Variants in SNX30 observed in about 807,000 individuals in gnomAD.
SNX30 encodes the protein sorting nexin-30.
In SNX30, 24 loss-of-function variants were observed where a neutral mutation model predicts 46.4. That is an observed-to-expected ratio of 0.52 (90% confidence interval 0.37 to 0.73). The LOEUF (loss-of-function observed/expected upper bound fraction) is 0.73. Among genes scored for constraint, SNX30 ranks in the 30% least tolerant of loss-of-function variants. SNX30 has a pLI of 0.00. For missense variants in SNX30, 533 were observed against 555.7 expected, an observed-to-expected ratio of 0.96 and a Z score of 0.41; for synonymous variants, 189 against 211.5, an observed-to-expected ratio of 0.89 and a Z score of 0.92.
intron 5 of SNX30, among the ~76,000 whole-genome samples, chr9:112,837,697 G>C (rs533010081): frequency 6.6e-6 from 1 of 151,538 alleles, no homozygotes; most frequent in Non-Finnish European, 1.5e-5. Context: ...GGATGGTCTC[G>C]ATCTCCTGAC....
chr9:112,792,443 G>A (rs1840041802), intron 1 of SNX30, among the ~76,000 whole-genome samples: 1 of 151,842 alleles, frequency 6.6e-6, no homozygotes, highest in African/African-American at 2.4e-5. Context: ...ATTTTTTATT[G>A]AGACAGCATC....
chr9:112,757,606 A>G (rs72768423), intron 1 of SNX30, among the ~76,000 whole-genome samples: 4,910 of 152,290 alleles, frequency 0.032, 112 homozygotes, highest in Middle Eastern at 0.068. Context: ...GTACCAATCT[A>G]CATTCCTAAC....
At position 112,778,386 on chromosome 9, in the gene SNX30, C is replaced by A. The variant is rs1839783658; in HGVS notation, c.157-26390C>A. Among the ~76,000 whole-genome samples, 3 of 151,242 alleles carry A rather than the reference C, an allele frequency of 2.0e-5. No individual in the cohort carries two copies. In the Admixed American group the frequency reaches 2.0e-4, roughly 10 times the overall value. On this transcript the variant is annotated intron_variant, in intron 1 of 8. Coordinates refer to ENST00000374232, the MANE Select transcript of SNX30 (RefSeq NM_001012994.2). ...CTCCCGGGTTCAAGTGATTCTCCTG[C>A]CTCAGCCTCTCGAGTAGCTGGGATT...
At chr9:112,875,010 T>C (rs1000321709), downstream of SNX30, 36 of 152,266 alleles carry the variant, frequency 2.4e-4, no homozygotes, top group African/African-American at 8.2e-4. Flanking sequence ...TCCTCATTTG[T>C]ACCTTTTTGT....
chr9:112,884,580 AT>A (rs151254363), downstream of SNX30, among the ~76,000 whole-genome samples: 9,557 of 152,294 alleles, frequency 0.063, 380 homozygotes, highest in Non-Finnish European at 0.094. Flanking sequence ...TGCACCGCAG[AT>A]TAATTGAGTC....
At chr9:112,778,919 C>T (rs2131373445) in intron 1 of SNX30, among the ~76,000 whole-genome samples, 1 of 151,406 alleles carries the variant, frequency 6.6e-6, no homozygotes, top group African/African-American at 2.4e-5. Context: ...ACAGCCCAGA[C>T]TGGGCAAGTA....
chr9:112,850,831 A>G (rs914313430), intron 6 of SNX30, 28 bp from the exon 7 acceptor site: 41 of 1,580,156 alleles, frequency 2.6e-5, no homozygotes, highest in Non-Finnish European at 3.4e-5. Flanking sequence ...ACTCAGTGTT[A>G]CATGCTTCTC....
Position 112,823,373 on chromosome 9 carries a change from A to G in SNX30, c.459+5558A>G, listed in dbSNP as rs1047571796. 3.3e-5 allele frequency among the ~76,000 whole-genome samples: 5 copies of G among 152,198 alleles called. No individual in the cohort carries two copies. In the East Asian group the frequency reaches 9.6e-4, roughly 29 times the overall value. On this transcript the variant is annotated intron_variant, in intron 3 of 8. Coordinates refer to ENST00000374232, the MANE Select transcript of SNX30 (RefSeq NM_001012994.2). ...TTATGTTTTATAACACTAGCTTTAT[A>G]TCCATTGAACAACTCCCCATTTCCC...
intron 5 of SNX30, among the ~76,000 whole-genome samples, chr9:112,880,655 T>C (rs1841565019): frequency 6.6e-6 from 1 of 152,230 alleles, no homozygotes; most frequent in Non-Finnish European, 1.5e-5. Context: ...CGTTAAACAC[T>C]TTTTTCTGCT....
Position 112,807,904 on chromosome 9 carries a change from C to T in SNX30, c.348+2937C>T, listed in dbSNP as rs570242179. On this transcript the variant is annotated intron_variant, in intron 2 of 8. Coordinates refer to ENST00000374232, the MANE Select transcript of SNX30 (RefSeq NM_001012994.2). The stretch of plus-strand genomic sequence containing the variant: ...TAAGTCATTAAATGCCTTAGAGTAA[C>T]GTTTTCCAAGTTCTAGCAGCACATT... Among the ~76,000 whole-genome samples, 8 of 152,304 alleles carry T rather than the reference C, an allele frequency of 5.3e-5. No individual in the cohort carries two copies. The South Asian group carries it at 1.2e-3, about 24-fold the overall frequency.
At chr9:112,822,147 CA>C (rs1457660431) in intron 3 of SNX30, among the ~76,000 whole-genome samples, 2 of 151,988 alleles carry the variant, frequency 1.3e-5, no homozygotes, top group African/African-American at 4.8e-5. Flanking sequence ...CTCCTGGCCT[CA>C]AGGGATCCTC....
chr9:112,841,592 G>A (rs1840860245), intron 6 of SNX30, among the ~76,000 whole-genome samples: 1 of 152,218 alleles, frequency 6.6e-6, no homozygotes, highest in African/African-American at 2.4e-5. Flanking sequence ...CAATTAATAA[G>A]AAACAGGGCC....
chr9:112,805,700 C>T (rs1840214922), intron 2 of SNX30, among the ~76,000 whole-genome samples: 1 of 152,184 alleles, frequency 6.6e-6, no homozygotes, highest in South Asian at 2.1e-4. Context: ...AACTCCTGAC[C>T]TCAGATGATC....
intron 1 of SNX30, among the ~76,000 whole-genome samples, chr9:112,759,590 A>G (rs943477061): frequency 1.3e-5 from 2 of 152,084 alleles, no homozygotes; most frequent in Non-Finnish European, 2.9e-5. Flanking sequence ...TTAGCTGGGC[A>G]TGGTGGCGCA....
chr9:112,834,843 AACACACACACACACACACACAC>A (rs79118828), intron 4 of SNX30, among the ~76,000 whole-genome samples: 1 of 78,320 alleles, frequency 1.3e-5, no homozygotes, highest in African/African-American at 4.7e-5. Context: ...CACACACACA[AACACACACACACACACACACAC>A]ACACACACAC....
chr9:112,836,190 A>G, intron 4 of SNX30, 24 bp from the exon 5 acceptor site: 1 of 1,573,396 alleles, frequency 6.4e-7, no homozygotes, highest in Middle Eastern at 1.9e-4. Flanking sequence ...GAGTGCTTTG[A>G]GCTTATTCAC....
At chr9:112,821,083 G>A (rs1840484771) in intron 3 of SNX30, among the ~76,000 whole-genome samples, 1 of 152,048 alleles carries the variant, frequency 6.6e-6, no homozygotes, top group South Asian at 2.1e-4. Context: ...TCTATAATTG[G>A]CCTTTTGAGG....
chr9:112,761,221 G>C (rs1839430400), intron 1 of SNX30, among the ~76,000 whole-genome samples: 1 of 152,194 alleles, frequency 6.6e-6, no homozygotes, highest in African/African-American at 2.4e-5. Flanking sequence ...GGAGTGCAGT[G>C]GTGTTACCTT....
At chr9:112,876,852 C>T (rs1386996679), downstream of SNX30, among the ~76,000 whole-genome samples, 1 of 150,848 alleles carries the variant, frequency 6.6e-6, no homozygotes, top group African/African-American at 2.4e-5. Flanking sequence ...AGGAGAATTG[C>T]TTGAACTCTG....
Sources: gnomAD v4.1 joint callset for allele counts (sites outside exome capture counted in the v4.1 genomes callset) on GRCh38, gnomAD v4.1.1 for gene constraint, MANE v1.5 for transcripts, NCBI Gene and HGNC (gene_info 2026-07-23, HGNC 2026-07-21) for gene names.